The following ATP6V1B2 variants were observed in gnomAD, a reference collection of about 807,000 sequenced individuals.
The protein encoded by ATP6V1B2 is V-type proton ATPase subunit B, brain isoform.
ATP6V1B2 carries 23 observed loss-of-function variants against 66.7 expected under a neutral mutation model. That is an observed-to-expected ratio of 0.34 (90% CI 0.25 to 0.49). The LOEUF is 0.49. ATP6V1B2 is among the 20% of genes least tolerant of loss of function. The pLI is 0.99. For missense variants in ATP6V1B2, 478 were observed against 650.8 expected (o/e 0.73, Z 2.89); for synonymous variants, 278 against 236.7 (o/e 1.17, Z -1.60).
At chr8:20,203,832 T>C (rs142552737) in intron 1 of ATP6V1B2, 3 of 359,478 alleles carry the variant, frequency 8.3e-6, no homozygotes, top group African/African-American at 6.5e-5. Flanking sequence ...TTTGACTTTT[T>C]TTAAAAGGAT....
At position 20,215,031 on chromosome 8, in the gene ATP6V1B2, A is replaced by G. The variant is rs116625524; in HGVS notation, c.1078+63A>G. On this transcript the variant is annotated intron_variant, in intron 10 of 13. Transcript: ENST00000276390. ...TTTTAAAGAGAGAGAAGACCCATCT[A>G]CCTTTTCGAGTTGAAGTTATTTTGA... 3,284 of 1,488,068 alleles carry G rather than the reference A, an allele frequency of 2.2e-3. 46 individuals are homozygous for G. The East Asian group carries it at 0.043, about 20-fold the overall frequency. 92.2% of individuals were successfully genotyped at this position (1,488,068 alleles called of 1,614,324 possible).
chr8:20,216,984 A>G, intron 11 of ATP6V1B2: 1 of 490,738 alleles, frequency 2.0e-6, no homozygotes, highest in Non-Finnish European at 3.7e-6. Context: ...ATAGTCTTGT[A>G]CAGTGTTATA....
chr8:20,197,484 G>C lies in ATP6V1B2; in HGVS notation c.78G>C (p.Val26=). Reference sequence around the variant, plus strand: ...CCGTGCCCACCGGTGGGCCGGCGGTGGGAGCTCGGGAGCAGGCGCTGGCAG... The same window carrying C: ...CCGTGCCCACCGGTGGGCCGGCGGTCGGAGCTCGGGAGCAGGCGCTGGCAG... ...ELPVPTGGPA[V]GAREQALAVS... The change falls in exon 1 of 14, where the codon GTG becomes GTC. Residue 26 remains valine, a synonymous_variant. Coordinates refer to ENST00000276390, the MANE Select transcript of ATP6V1B2 (RefSeq NM_001693.4). 1 of 1,506,076 alleles carries C rather than the reference G, an allele frequency of 6.6e-7. No homozygotes were observed. Among genetic ancestry groups the C allele is most frequent in the Non-Finnish European group, 8.9e-7 (1 of 1,127,282 alleles). 93.3% of individuals were successfully genotyped at this position (1,506,076 alleles called of 1,614,324 possible).
intron 8 of ATP6V1B2, 140 bp downstream of exon 8, chr8:20,212,339 T>A (rs1209916324): frequency 1.2e-5 from 9 of 772,350 alleles, no homozygotes; most frequent in South Asian, 9.0e-5. Context: ...CAGCCCTGCT[T>A]CTTGGTAGTT....
rs1281776102 is a variant in ATP6V1B2, at chr8:20,212,275, T to C, written c.803+76T>C. 5.0e-6 allele frequency: 7 copies of C among 1,403,210 alleles called. No homozygotes were observed. In the East Asian group the frequency reaches 1.2e-4, roughly 24 times the overall value. The allele number at this position is 1,403,210 out of a possible 1,614,324, so 86.9% of individuals were successfully genotyped here. On this transcript the variant is annotated intron_variant, in intron 8 of 13. Transcript: ENST00000276390. ...GTGTCTTAAGGTTGGGGAGGTAAAA[T>C]GTGGTAATAACAGCATTTGGACCTA...
rs1008824965 is a variant in ATP6V1B2, at chr8:20,220,502, A to G, written c.*100A>G. 8 of 1,414,580 alleles carry G rather than the reference A, an allele frequency of 5.7e-6. No individual in the cohort carries two copies. In the African/African-American group the frequency reaches 7.4e-5, roughly 13 times the overall value. The allele number at this position is 1,414,580 out of a possible 1,614,324, so 87.6% of individuals were successfully genotyped here. A position where few individuals can be genotyped will look rare whatever the true frequency, so the allele number is the denominator to read the frequency against. On this transcript the variant is annotated 3_prime_UTR_variant, in exon 14 of 14. Transcript: ENST00000276390. ...TCCCACCTTTGTGTTGGAGTTTACC[A>G]TGTTACCCTGTAATTAAAAACAAAG...
chr8:20,216,545 A>G, intron 11 of ATP6V1B2, 50 bp downstream of exon 11: 2 of 1,525,870 alleles, frequency 1.3e-6, no homozygotes, highest in South Asian at 1.2e-5. Context: ...CTCATCCGTT[A>G]TTCTTTAGTG....
At position 20,220,321 on chromosome 8, in the gene ATP6V1B2, A is replaced by C. The variant is rs751494886; in HGVS notation, c.1455A>C (p.Arg485=). Residue 485 remains arginine (R), a synonymous_variant, in exon 14 of 14, where the codon CGA becomes CGC. Transcript: ENST00000276390. ...TGGACATTGGCTGGCAGCTACTCCG[A>C]ATCTTCCCCAAAGAAATGCTGAAGA... is the stretch of plus-strand genomic sequence containing the variant. ...ETLDIGWQLL[R]IFPKEMLKRI... 4.4e-6 allele frequency: 7 copies of C among 1,605,218 alleles called. No homozygotes were observed. Among genetic ancestry groups the C allele is most frequent in the Non-Finnish European group, 5.9e-6 (7 of 1,177,514 alleles).
chr8:20,203,977 T>A (rs931182014), intron 1 of ATP6V1B2: 7 of 455,966 alleles, frequency 1.5e-5, no homozygotes, highest in African/African-American at 1.4e-4. Flanking sequence ...ATTTCTCCAA[T>A]TTCCTTTGTG....
At chr8:20,217,564 A>G (rs1038991782) in intron 12 of ATP6V1B2, among the ~76,000 whole-genome samples, 1 of 152,244 alleles carries the variant, frequency 6.6e-6, no homozygotes, top group Admixed American at 6.5e-5. Flanking sequence ...TTTCCAAATA[A>G]AAAGCCAAGC....
At chr8:20,217,096 A>T in intron 11 of ATP6V1B2, 124 bp from the exon 12 acceptor site, 2 of 755,868 alleles carry the variant, frequency 2.6e-6, no homozygotes, top group Non-Finnish European at 4.4e-6. Context: ...TTCATCTAGG[A>T]GACAAATGCA....
intron 11 of ATP6V1B2, 71 bp from the exon 12 acceptor site, chr8:20,217,148 GT>G (rs2072862790): frequency 7.9e-7 from 1 of 1,261,322 alleles, no homozygotes; most frequent in East Asian, 2.3e-5. Context: ...AGTTTCAAAT[GT>G]TTTTTTATTA....
In ATP6V1B2 at chr8:20,212,665, C is replaced by T. The variant is rs1456929480; in HGVS notation, c.804-117C>T. 2.1e-6 allele frequency: 3 copies of T among 1,398,352 alleles called. No homozygotes were observed. In the African/African-American group the frequency reaches 4.4e-5, roughly 20 times the overall value. The allele number at this position is 1,398,352 out of a possible 1,614,324, so 86.6% of individuals were successfully genotyped here. A position where few individuals can be genotyped will look rare whatever the true frequency, so the allele number is the denominator to read the frequency against. On this transcript the variant is annotated intron_variant, in intron 8 of 13. Transcript: ENST00000276390. The stretch of plus-strand genomic sequence containing the variant: ...AAAATAACAACTGCTTTACTCTCCT[C>T]AATTCATTTAAAACTTTAAAAGGGG...
intron 9 of ATP6V1B2, 89 bp from the exon 10 acceptor site, chr8:20,214,729 T>C: frequency 7.2e-7 from 1 of 1,379,894 alleles, no homozygotes; most frequent in South Asian, 1.7e-5. Flanking sequence ...GATTTTCAAC[T>C]TTGTACTTTG....
chr8:20,216,388 A>G lies in ATP6V1B2; in HGVS notation c.1079-25A>G, dbSNP rs767754183. On this transcript the variant is annotated intron_variant, in intron 10 of 13. Transcript: ENST00000276390. Reference sequence around the variant, plus strand: ...CTCATAACCTAAAGATGCCATGCTTAATGCCAACTGTCTTCCTCTGGTAGA... The same window carrying G: ...CTCATAACCTAAAGATGCCATGCTTGATGCCAACTGTCTTCCTCTGGTAGA... 8.2e-6 allele frequency: 13 copies of G among 1,593,482 alleles called. No individual in the cohort carries two copies. The Admixed American group carries it at 2.2e-4, about 27-fold the overall frequency.
At chr8:20,205,046 T>A (rs1040391641) in intron 2 of ATP6V1B2, among the ~76,000 whole-genome samples, 1 of 152,274 alleles carries the variant, frequency 6.6e-6, no homozygotes, top group Admixed American at 6.5e-5. Flanking sequence ...GACTGCAGTT[T>A]GATATGTGCT....
intron 1 of ATP6V1B2, among the ~76,000 whole-genome samples, chr8:20,199,425 C>G (rs572420326): frequency 5.3e-4 from 81 of 152,120 alleles, no homozygotes; most frequent in Non-Finnish European, 9.3e-4. Flanking sequence ...AGTTGAAATG[C>G]CCGGTCGAGT....
At position 20,218,190 on chromosome 8, in the gene ATP6V1B2, T is replaced by C. The variant is rs1331256820; in HGVS notation, c.1304T>C (p.Met435Thr). The C allele has an allele frequency of 6.2e-7, 1 of 1,613,438 alleles. No homozygotes were observed. Among genetic ancestry groups the C allele is most frequent in the South Asian group, 1.1e-5 (1 of 91,068 alleles). The change falls in exon 13 of 14, where the codon ATG becomes ACG. Residue 435 changes from methionine to threonine, a missense_variant. This residue lies in a region of ATP6V1B2 where 326 missense variants were observed against 545.6 expected (regional missense o/e 0.60). Coordinates refer to ENST00000276390, the MANE Select transcript of ATP6V1B2 (RefSeq NM_001693.4). ...CYAIGKDVQA[M>T]KAVVGEEALT... ...GCTATTGGAAAGGATGTGCAAGCCA[T>C]GAAAGCTGTCGTTGGAGAAGAAGCC...
intron 2 of ATP6V1B2, among the ~76,000 whole-genome samples, chr8:20,207,587 A>G (rs2072751829): frequency 6.6e-6 from 1 of 151,966 alleles, no homozygotes; most frequent in Non-Finnish European, 1.5e-5. Context: ...AAAATAAAAT[A>G]AAAAAGAAAA....
Sources: gnomAD v4.1 joint callset for allele counts (sites outside exome capture counted in the v4.1 genomes callset) on GRCh38, gnomAD v4.1.1 for gene constraint, gnomAD v4.1.1 regional missense constraint, MANE v1.5 for transcripts, NCBI Gene and HGNC (gene_info 2026-07-23, HGNC 2026-07-21) for gene names.